AKAP13: variants seen among roughly 807,000 people sequenced by gnomAD.
The protein encoded by AKAP13 is A-kinase anchoring protein 13, also known as A-kinase anchor protein 13.
In AKAP13, 80 loss-of-function variants were observed where a neutral mutation model predicts 264.5. The ratio of observed to expected loss-of-function variants is 0.30; its 90% CI spans 0.25 to 0.36. AKAP13 has a LOEUF of 0.36. AKAP13 is among the 10% of genes least tolerant of loss of function. The probability of loss-of-function intolerance (pLI) is 1.00; values close to 1 mark genes in which losing one functional copy is unlikely to be tolerated. For synonymous variants in AKAP13, 1,380 were observed against 1,250.2 expected (o/e 1.10, Z -2.19); for missense variants, 3,712 against 3,435.2 (o/e 1.08, Z -2.01).
In AKAP13 at chr15:85,533,783, G is replaced by A. The variant is rs770977583; in HGVS notation, c.381G>A (p.Gly127=). The part of the protein sequence containing the change: ...RFLDQSGPPS[G]DVNSLDKKLV... ...TTGACCAGTCAGGACCCCCATCTGG[G>A]GATGTGAATTCCCTTGATAAGAAGT... The change falls in exon 4 of 37, where the codon GGG becomes GGA. Residue 127 remains glycine (G), a synonymous_variant. Coordinates refer to ENST00000394518, the MANE Select transcript of AKAP13 (RefSeq NM_007200.5). 1.1e-5 allele frequency: 17 copies of A among 1,613,740 alleles called. No homozygotes were observed. The highest frequency in any genetic ancestry group is 1.7e-5 in the Admixed American group (1 of 59,944).
At position 85,655,843 on chromosome 15, in the gene AKAP13, T is replaced by C. The variant is rs2083066224; in HGVS notation, c.4745+56T>C. 2.0e-5 allele frequency: 30 copies of C among 1,536,336 alleles called. 1 individual carries two copies. In the South Asian group the frequency reaches 3.4e-4, roughly 17 times the overall value. The stretch of plus-strand genomic sequence containing the variant: ...CAGTGTCTGCTTGCTTTTGAGAAGC[T>C]TCTGATTTGTATTATTGTTGGTAAA... On this transcript the variant is annotated intron_variant, in intron 11 of 36. Transcript: ENST00000394518.
intron 5 of AKAP13, among the ~76,000 whole-genome samples, chr15:85,567,232 C>T (rs951697390): frequency 2.6e-5 from 4 of 151,746 alleles, no homozygotes; most frequent in East Asian, 2.0e-4. Context: ...CTCAGCCTCC[C>T]GAGTAGCTGG....
At position 85,453,060 on chromosome 15, in the gene AKAP13, C is replaced by T. The variant is rs183019475; in HGVS notation, c.-11-32650C>T. On this transcript the variant is annotated intron_variant, in intron 1 of 36. Transcript: ENST00000394518. ...GTTGGTTCCCTGTCTGGTGATGAGC[C>T]GTCAGAGGTGTGTGGGACCTGTGGG... Among the ~76,000 whole-genome samples the T allele has an allele frequency of 9.8e-5, 15 of 152,288 alleles. No homozygotes were observed. In the East Asian group the frequency reaches 2.3e-3, roughly 23 times the overall value.
chr15:85,415,543 C>A, intron 1 of AKAP13: 2 of 1,469,224 alleles, frequency 1.4e-6, no homozygotes, highest in Non-Finnish European at 1.9e-6. Context: ...AAGGAAAACA[C>A]AATAAGAAGA....
chr15:85,629,935 A>G (rs889751657), intron 8 of AKAP13, among the ~76,000 whole-genome samples: 5 of 151,214 alleles, frequency 3.3e-5, no homozygotes, highest in Admixed American at 6.6e-5. Context: ...GCCCACAACC[A>G]TGTCCAGCTA....
intron 13 of AKAP13, 21 bp from the exon 14 acceptor site, chr15:85,669,701 C>A: frequency 6.5e-7 from 1 of 1,540,540 alleles, no homozygotes; most frequent in Admixed American, 1.7e-5. Flanking sequence ...ACAACGTGTT[C>A]TTCACTTTTT....
intron 1 of AKAP13, among the ~76,000 whole-genome samples, chr15:85,483,822 AAC>A (rs1697717946): frequency 6.6e-6 from 1 of 152,164 alleles, no homozygotes; most frequent in Non-Finnish European, 1.5e-5. Context: ...AAAACAAACA[AAC>A]AAAAAAATTA....
rs751569234 is a variant in AKAP13 at position 85,647,820 on chromosome 15, C to T, written c.4374+1866C>T. ...GCGGGCACCTGTAGTCCCAGCTACTCGGGAGGCTGAGGCAGGAGAATGGCG... is the reference window on the plus strand; with the variant it reads ...GCGGGCACCTGTAGTCCCAGCTACTTGGGAGGCTGAGGCAGGAGAATGGCG... On this transcript the variant is annotated intron_variant, in intron 10 of 36. Transcript: ENST00000394518. Among the ~76,000 whole-genome samples, 419 of 152,130 alleles carry T rather than the reference C, an allele frequency of 2.8e-3. 2 individuals carry two copies. Among genetic ancestry groups the T allele is most frequent in the Admixed American group, 0.016 (251 of 15,278 alleles).
rs374934494 is a variant in AKAP13, at chr15:85,688,495, T to C, written c.5289+3622T>C. ...ATGCCACCTGTAACTCTTAGAGAAG[T>C]GTCTAAGGATTATTTGAAAATGTCT... is the stretch of plus-strand genomic sequence containing the variant. On this transcript the variant is annotated intron_variant, in intron 16 of 36. Coordinates refer to ENST00000394518, the MANE Select transcript of AKAP13 (RefSeq NM_007200.5). Among the ~76,000 whole-genome samples the C allele has an allele frequency of 5.3e-5, 8 of 152,180 alleles. No homozygotes were observed. In the East Asian group the frequency reaches 1.2e-3, roughly 22 times the overall value.
rs570362264 is a variant in AKAP13 at position 85,485,634 on chromosome 15, C to G, written c.-11-76C>G. ...GTACTCACAGAGCTATGCTTGACAC[C>G]TAGGACTTTAGGTGGCTTATATATT... is the stretch of plus-strand genomic sequence containing the variant. On this transcript the variant is annotated intron_variant, in intron 1 of 36. Coordinates refer to ENST00000394518, the MANE Select transcript of AKAP13 (RefSeq NM_007200.5). 125 of 1,324,046 alleles carry G rather than the reference C, an allele frequency of 9.4e-5. No homozygotes were observed. The African/African-American group carries it at 1.7e-3, about 18-fold the overall frequency. 82.0% of individuals were successfully genotyped at this position (1,324,046 alleles called of 1,614,324 possible). A position where few individuals can be genotyped will look rare whatever the true frequency, so the allele number is the denominator to read the frequency against.
intron 1 of AKAP13, among the ~76,000 whole-genome samples, chr15:85,405,772 A>AG (rs2071631887): frequency 6.6e-6 from 1 of 152,160 alleles, no homozygotes; most frequent in Admixed American, 6.5e-5. Flanking sequence ...GACAAATGAT[A>AG]GGTGTTGTAT....
intron 12 of AKAP13, among the ~76,000 whole-genome samples, chr15:85,663,623 C>G (rs1395548794): frequency 1.3e-5 from 2 of 152,136 alleles, no homozygotes; most frequent in African/African-American, 4.8e-5. Flanking sequence ...AATTCCAGCT[C>G]ATTGTTAGCG....
At position 85,579,241 on chromosome 15, in the gene AKAP13, T is replaced by A. The variant is rs765408058; in HGVS notation, c.1173T>A (p.Ser391=). Residue 391 remains serine (S), a synonymous_variant, in exon 7 of 37, where the codon TCT becomes TCA. Coordinates refer to ENST00000394518, the MANE Select transcript of AKAP13 (RefSeq NM_007200.5). ...EEVEPAPIVD[S]GTVSDQDSCL... ...TGGAGCCAGCACCTATTGTGGACTC[T>A]GGAACTGTATCTGATCAAGACAGCT... is the stretch of plus-strand genomic sequence containing the variant. The A allele has an allele frequency of 1.9e-6, 3 of 1,614,224 alleles. No individual in the cohort carries two copies. Among genetic ancestry groups the A allele is most frequent in the Non-Finnish European group, 2.5e-6 (3 of 1,180,024 alleles).
chr15:85,692,917 ACT>A (rs1449397537), intron 16 of AKAP13, among the ~76,000 whole-genome samples: 2 of 151,744 alleles, frequency 1.3e-5, no homozygotes, highest in East Asian at 1.9e-4. Flanking sequence ...TAAACCCATG[ACT>A]CTCTTCCTGT....
intron 2 of AKAP13, among the ~76,000 whole-genome samples, chr15:85,518,416 T>A (rs995778524): frequency 5.3e-5 from 8 of 152,220 alleles, no homozygotes; most frequent in Non-Finnish European, 4.4e-5. Context: ...TCCAGGTGCC[T>A]TCGGAATCTA....
chr15:85,715,639 T>C, intron 19 of AKAP13, 149 bp from the exon 20 acceptor site: 2 of 988,678 alleles, frequency 2.0e-6, no homozygotes, highest in Non-Finnish European at 2.8e-6. Flanking sequence ...TCAGTTAGTG[T>C]CCTCTCCTCC....
At chr15:85,707,955 G>A (rs1012592225) in intron 17 of AKAP13, 64 bp from the exon 18 acceptor site, 36 of 1,556,750 alleles carry the variant, frequency 2.3e-5, no homozygotes, top group Non-Finnish European at 3.2e-5. Context: ...TGGCAGCAGT[G>A]GAAACTCAGA....
At chr15:85,461,421 T>G (rs2074508780) in intron 1 of AKAP13, among the ~76,000 whole-genome samples, 1 of 152,208 alleles carries the variant, frequency 6.6e-6, no homozygotes, top group South Asian at 2.1e-4. Flanking sequence ...CGGCCCGTTA[T>G]AATTTCATCT....
chr15:85,399,809 A>G (rs976631124), intron 1 of AKAP13, among the ~76,000 whole-genome samples: 2 of 152,152 alleles, frequency 1.3e-5, no homozygotes, highest in African/African-American at 4.8e-5. Flanking sequence ...TAACTCCAGC[A>G]ATAAAACAGG....
Sources: gnomAD v4.1 joint callset for allele counts (sites outside exome capture counted in the v4.1 genomes callset) on GRCh38, gnomAD v4.1.1 for gene constraint, MANE v1.5 for transcripts, NCBI Gene and HGNC (gene_info 2026-07-23, HGNC 2026-07-21) for gene names.